ZDHHC20: variants seen among roughly 807,000 people sequenced by gnomAD.
The protein encoded by ZDHHC20 is palmitoyltransferase ZDHHC20.
A neutral mutation model predicts 57.8 loss-of-function variants in ZDHHC20; 43 were observed. That is an observed-to-expected ratio of 0.74 (90% CI 0.58 to 0.96). The LOEUF (loss-of-function observed/expected upper bound fraction) is 0.96, where lower values mean the gene tolerates loss of function less well. Among genes scored for constraint, ZDHHC20 ranks in the 40% least tolerant of loss-of-function variants. The probability of loss-of-function intolerance (pLI) is 0.00; values close to 1 mark genes in which losing one functional copy is unlikely to be tolerated. For synonymous variants in ZDHHC20, 157 were observed against 153.0 expected, an observed-to-expected ratio of 1.03 and a Z score of -0.19; for missense variants, 391 against 441.1, an observed-to-expected ratio of 0.89 and a Z score of 1.02.
At chr13:21,449,101 G>A (rs1884178737) in intron 1 of ZDHHC20, among the ~76,000 whole-genome samples, 1 of 138,076 alleles carries the variant, frequency 7.2e-6, no homozygotes, top group Admixed American at 7.4e-5. Flanking sequence ...AGGGTCCTCT[G>A]CCTAGGAAAA....
chr13:21,378,309 C>G (rs1328096852), intron 12 of ZDHHC20, among the ~76,000 whole-genome samples: 1 of 152,172 alleles, frequency 6.6e-6, no homozygotes, highest in African/African-American at 2.4e-5. Flanking sequence ...ATCCTCCCAC[C>G]TTGAACTCCC....
At chr13:21,411,205 G>A (rs1157736695) in intron 4 of ZDHHC20, among the ~76,000 whole-genome samples, 1 of 152,132 alleles carries the variant, frequency 6.6e-6, no homozygotes, top group Non-Finnish European at 1.5e-5. Context: ...TGTCTAACCA[G>A]TCCCAATGAG....
chr13:21,439,346 AAAT>A (rs1188813231), intron 1 of ZDHHC20, among the ~76,000 whole-genome samples: 1 of 151,674 alleles, frequency 6.6e-6, no homozygotes, highest in Non-Finnish European at 1.5e-5. Flanking sequence ...CAAAAATTTC[AAAT>A]ATTAGCCAGG....
intron 7 of ZDHHC20, among the ~76,000 whole-genome samples, chr13:21,392,451 C>T (rs1490164771): frequency 1.3e-5 from 2 of 152,312 alleles, no homozygotes; most frequent in South Asian, 4.2e-4. Flanking sequence ...TTCAGACCAC[C>T]TTACCCATGC....
At chr13:21,382,694 C>G (rs1045807797) in intron 10 of ZDHHC20, among the ~76,000 whole-genome samples, 14 of 152,154 alleles carry the variant, frequency 9.2e-5, no homozygotes, top group Non-Finnish European at 1.5e-4. Context: ...AATAAACAAG[C>G]ATTCTCTTTC....
intron 9 of ZDHHC20, among the ~76,000 whole-genome samples, chr13:21,385,656 G>A (rs1283610655): frequency 6.6e-6 from 1 of 152,118 alleles, no homozygotes; most frequent in Non-Finnish European, 1.5e-5. Flanking sequence ...TACCAGAAAA[G>A]CTGGTCAGGG....
At chr13:21,401,267 C>A (rs989578511) in intron 6 of ZDHHC20, among the ~76,000 whole-genome samples, 2 of 151,954 alleles carry the variant, frequency 1.3e-5, no homozygotes, top group Non-Finnish European at 2.9e-5. Flanking sequence ...CAACCAGAGA[C>A]CCTGTTTCAA....
intron 7 of ZDHHC20, among the ~76,000 whole-genome samples, chr13:21,398,075 A>G (rs1877074143): frequency 6.6e-6 from 1 of 152,238 alleles, no homozygotes; most frequent in Admixed American, 6.5e-5. Context: ...ATGAAAGAAC[A>G]AAGAGTCTAA....
chr13:21,400,277 A>G lies in ZDHHC20; in HGVS notation c.594+96T>C. 2.5e-6 allele frequency: 3 copies of G among 1,185,340 alleles called. No homozygotes were observed. In the South Asian group the frequency reaches 5.3e-5, roughly 21 times the overall value. The allele number at this position is 1,185,340 out of a possible 1,614,324, so 73.4% of individuals were successfully genotyped here. Reference sequence around the variant, plus strand: ...ATAAAACTCTAACTTGTAAAATTAAAGTATATCTACTTGTCATAAAAAATA... The same window carrying G: ...ATAAAACTCTAACTTGTAAAATTAAGGTATATCTACTTGTCATAAAAAATA... On this transcript the variant is annotated intron_variant, in intron 7 of 12. Transcript: ENST00000400590.
Position 21,395,790 on chromosome 13 carries a change from G to A in ZDHHC20, c.595-3936C>T, listed in dbSNP as rs114065581. ...GCTGGGATTACAGGCATAAGCCACC[G>A]CGCCCCAACCCTATTTTCTTATTTT... On this transcript the variant is annotated intron_variant, in intron 7 of 12. Transcript: ENST00000400590. Among the ~76,000 whole-genome samples the A allele has an allele frequency of 8.3e-3, 1,261 of 152,122 alleles. 15 individuals carry two copies. The highest frequency in any genetic ancestry group is 0.023 in the African/African-American group (970 of 41,502).
In ZDHHC20 at chr13:21,374,781, T is replaced by G. The variant is rs1871780627; in HGVS notation, c.*1915A>C. The G allele has an allele frequency of 7.3e-6, 2 of 273,146 alleles. No individual in the cohort carries two copies. Among genetic ancestry groups the G allele is most frequent in the Non-Finnish European group, 1.4e-5 (2 of 139,160 alleles). The allele number at this position is 273,146 out of a possible 1,614,324, so 16.9% of individuals were successfully genotyped here. ...AGTAGCAACCATAAAATTTATGCTG[T>G]ACTAGGAAATGACAGAGCTATTCCT... is the stretch of plus-strand genomic sequence containing the variant. On this transcript the variant is annotated 3_prime_UTR_variant, in exon 13 of 13. Coordinates refer to ENST00000400590, the MANE Select transcript of ZDHHC20 (RefSeq NM_001330059.2).
At chr13:21,395,924 A>G (rs1876714019) in intron 7 of ZDHHC20, among the ~76,000 whole-genome samples, 1 of 152,132 alleles carries the variant, frequency 6.6e-6, no homozygotes, top group African/African-American at 2.4e-5. Flanking sequence ...CCAGGAGCAC[A>G]TCTTTCATAC....
chr13:21,375,348 G>GTGT lies in ZDHHC20; in HGVS notation c.*1347_*1348insACA. 2 of 348,294 alleles carry GTGT rather than the reference G, an allele frequency of 5.7e-6. No individual in the cohort carries two copies. Among genetic ancestry groups the GTGT allele is most frequent in the East Asian group, 8.1e-5 (1 of 12,336 alleles). The allele number at this position is 348,294 out of a possible 1,614,324, so 21.6% of individuals were successfully genotyped here. A position where few individuals can be genotyped will look rare whatever the true frequency, so the allele number is the denominator to read the frequency against. Reference sequence around the variant, plus strand: ...GGAAGCAATCAATTATTTTGGGGGGGGTGTGTGTGTGTGTGTGTCTGTCTG... The same window carrying GTGT: ...GGAAGCAATCAATTATTTTGGGGGGGTGTGTGTGTGTGTGTGTGTGTCTGTCTG... On this transcript the variant is annotated 3_prime_UTR_variant, in exon 13 of 13. Coordinates refer to ENST00000400590, the MANE Select transcript of ZDHHC20 (RefSeq NM_001330059.2).
In ZDHHC20 at chr13:21,415,921, G is replaced by A. The variant is rs1332888427; in HGVS notation, c.250-2149C>T. ...CTTTTCCTTAAGAATGAAGGTTATGGGCTGGGTGTGGTGGCTCACATCTAT... is the reference window on the plus strand; with the variant it reads ...CTTTTCCTTAAGAATGAAGGTTATGAGCTGGGTGTGGTGGCTCACATCTAT... On this transcript the variant is annotated intron_variant, in intron 3 of 12. Coordinates refer to ENST00000400590, the MANE Select transcript of ZDHHC20 (RefSeq NM_001330059.2). Among the ~76,000 whole-genome samples the A allele has an allele frequency of 7.2e-5, 11 of 152,110 alleles. No individual in the cohort carries two copies. The East Asian group carries it at 1.9e-3, about 27-fold the overall frequency.
intron 1 of ZDHHC20, among the ~76,000 whole-genome samples, chr13:21,449,694 G>A (rs1884258017): frequency 6.6e-6 from 1 of 151,568 alleles, no homozygotes; most frequent in South Asian, 2.1e-4. Context: ...GCCCAGGCTG[G>A]AGAGCAGTGA....
rs754405186 is a variant in ZDHHC20 at position 21,381,575 on chromosome 13, TA to T, written c.945-27del. ...CTGAAAAGAAGAGCAAACAACTTAG[TA>T]AACAGCTTAATGCTCAACTATGGAT... On this transcript the variant is annotated intron_variant, in intron 10 of 12. Transcript: ENST00000400590. 3.4e-6 allele frequency: 5 copies of T among 1,472,762 alleles called. No individual in the cohort carries two copies. In the Admixed American group the frequency reaches 5.2e-5, roughly 15 times the overall value. 91.2% of individuals were successfully genotyped at this position (1,472,762 alleles called of 1,614,324 possible). A position where few individuals can be genotyped will look rare whatever the true frequency, so the allele number is the denominator to read the frequency against.
intron 2 of ZDHHC20, among the ~76,000 whole-genome samples, chr13:21,423,885 C>T (rs1490953038): frequency 1.3e-5 from 2 of 152,008 alleles, no homozygotes; most frequent in South Asian, 2.1e-4. Context: ...CATATTAAAT[C>T]AGGCTTGTTG....
At chr13:21,452,105 T>C (rs1884498005) in intron 1 of ZDHHC20, among the ~76,000 whole-genome samples, 1 of 152,218 alleles carries the variant, frequency 6.6e-6, no homozygotes. Flanking sequence ...AATTTTAGTA[T>C]ATGTGTTGCA....
In ZDHHC20 at chr13:21,459,062, A is replaced by C; in HGVS notation, c.110T>G (p.Leu37Arg). The C allele has an allele frequency of 1.3e-6, 2 of 1,598,128 alleles. No homozygotes were observed. The highest frequency in any genetic ancestry group is 1.7e-6 in the Non-Finnish European group (2 of 1,173,568). The change falls in exon 1 of 13, where the codon CTC (leucine) becomes CGC (arginine). Residue 37 changes from leucine (L) to arginine (R), a missense_variant. Coordinates refer to ENST00000400590, the MANE Select transcript of ZDHHC20 (RefSeq NM_001330059.2). Reference sequence around the variant, plus strand: ...CCGGGGACGGTACTCACACACGCAGAGCTCCACCACGTACGCGTAGTAGGA... The same window carrying C: ...CCGGGGACGGTACTCACACACGCAGCGCTCCACCACGTACGCGTAGTAGGA... ...VWSYYAYVVE[L>R]CVFTIFGNEE...
Sources: allele counts gnomAD v4.1 joint callset (sites outside exome capture counted in the v4.1 genomes callset), GRCh38; gene constraint gnomAD v4.1.1; transcripts MANE v1.5; gene names NCBI Gene and HGNC (gene_info 2026-07-23, HGNC 2026-07-21).